Variants in UGT1A10 observed in about 807,000 individuals in gnomAD.
UGT1A10 encodes the protein UDP-glucuronosyltransferase 1A10.
In UGT1A10, 49 loss-of-function variants were observed where a neutral mutation model predicts 45.8. That is an observed-to-expected ratio of 1.07 (90% confidence interval 0.85 to 1.36). UGT1A10 has a LOEUF of 1.36. UGT1A10 is among the 40% of genes most tolerant of loss of function. The probability of loss-of-function intolerance (pLI) is 0.00; values close to 1 mark genes in which losing one functional copy is unlikely to be tolerated. For synonymous variants in UGT1A10, 284 were observed against 249.7 expected, an observed-to-expected ratio of 1.14 and a Z score of -1.29; for missense variants, 745 against 668.6, an observed-to-expected ratio of 1.11 and a Z score of -1.26.
chr2:233,698,691 TA>T (rs937682275), intron 1 of UGT1A10, among the ~76,000 whole-genome samples: 1 of 152,038 alleles, frequency 6.6e-6, no homozygotes, highest in Non-Finnish European at 1.5e-5. Flanking sequence ...AATACATTTC[TA>T]AAAAAAATGT....
chr2:233,690,297 T>C (rs760995534), intron 1 of UGT1A10, among the ~76,000 whole-genome samples: 2 of 152,238 alleles, frequency 1.3e-5, no homozygotes, highest in Non-Finnish European at 2.9e-5. Context: ...AGGTGGGTCC[T>C]GGCTCCATTA....
At chr2:233,760,902 C>T (rs1400244302) in intron 1 of UGT1A10, 7 of 1,613,974 alleles carry the variant, frequency 4.3e-6, no homozygotes, top group Non-Finnish European at 5.9e-6. Context: ...ATCACATGAC[C>T]TTCCTGCAGC....
chr2:233,722,310 C>T (rs1175597546), intron 1 of UGT1A10, among the ~76,000 whole-genome samples: 2 of 152,156 alleles, frequency 1.3e-5, no homozygotes, highest in Non-Finnish European at 2.9e-5. Context: ...CCCTTACTTA[C>T]TTGGTTTGGT....
intron 1 of UGT1A10, chr2:233,672,662 A>T: frequency 1.9e-6 from 3 of 1,613,884 alleles, no homozygotes; most frequent in Non-Finnish European, 2.5e-6. Flanking sequence ...ACGGAGTATG[A>T]TCTCTACAGC....
chr2:233,672,388 A>G lies in UGT1A10; in HGVS notation c.855+35011A>G, dbSNP rs768335644. ...TGCAGTGTTTCTCGATCCTTTTGAT[A>G]ACTGTGGCTTAATTGTTGCCAAATA... is the stretch of plus-strand genomic sequence containing the variant. On this transcript the variant is annotated intron_variant, in intron 1 of 4. Transcript: ENST00000344644. 2.0e-5 allele frequency: 32 copies of G among 1,613,986 alleles called. 1 individual carries two copies. The highest frequency in any genetic ancestry group is 1.6e-4 in the Middle Eastern group (1 of 6,078).
At chr2:233,768,037 T>C (rs1699552537) in intron 3 of UGT1A10, 101 bp downstream of exon 3, 3 of 1,611,640 alleles carry the variant, frequency 1.9e-6, no homozygotes, top group Non-Finnish European at 2.5e-6. Context: ...GAAAATATTA[T>C]GGCCAACATA....
intron 1 of UGT1A10, among the ~76,000 whole-genome samples, chr2:233,732,521 T>C (rs2078280152): frequency 6.6e-6 from 1 of 152,252 alleles, no homozygotes; most frequent in South Asian, 2.1e-4. Flanking sequence ...TCCAGCTTTC[T>C]ACATATGGCC....
At chr2:233,760,220 G>A (rs1697349973) in intron 1 of UGT1A10, 6 of 1,593,686 alleles carry the variant, frequency 3.8e-6, no homozygotes, top group African/African-American at 1.4e-5. Flanking sequence ...TTGGTGTATC[G>A]ATTGGTTTTT....
At chr2:233,699,684 A>AT (rs2075518038) in intron 1 of UGT1A10, among the ~76,000 whole-genome samples, 1 of 152,196 alleles carries the variant, frequency 6.6e-6, no homozygotes, top group Non-Finnish European at 1.5e-5. Context: ...CTGAGAGGTG[A>AT]TAAAAACAAT....
intron 1 of UGT1A10, among the ~76,000 whole-genome samples, chr2:233,674,212 C>T (rs960263958): frequency 5.9e-5 from 9 of 152,154 alleles, no homozygotes; most frequent in Non-Finnish European, 1.2e-4. Context: ...AGTGACTGTT[C>T]AGCCAACTCA....
At chr2:233,646,559 C>A (rs1221225370) in intron 1 of UGT1A10, among the ~76,000 whole-genome samples, 1 of 152,188 alleles carries the variant, frequency 6.6e-6, no homozygotes, top group East Asian at 1.9e-4. Context: ...TACCCTAAAT[C>A]ATCTTTCTAA....
In UGT1A10 at chr2:233,755,048, C is replaced by T; in HGVS notation, c.856-11986C>T. ...AGGGCCTGCCGCCTGCGCAGCCGCC[C>T]TCCGCCCTCGCCTCGCCATAGCGGT... On this transcript the variant is annotated intron_variant, in intron 1 of 4. Transcript: ENST00000344644. 4 of 1,330,776 alleles carry T rather than the reference C, an allele frequency of 3.0e-6. No homozygotes were observed. In the South Asian group the frequency reaches 3.4e-5, roughly 11 times the overall value. The allele number at this position is 1,330,776 out of a possible 1,614,324, so 82.4% of individuals were successfully genotyped here.
intron 1 of UGT1A10, among the ~76,000 whole-genome samples, chr2:233,739,832 A>C (rs1448736467): frequency 1.3e-5 from 2 of 152,016 alleles, no homozygotes; most frequent in Non-Finnish European, 2.9e-5. Flanking sequence ...GTGAAAAGAC[A>C]TGAGATTTGG....
chr2:233,725,049 TGGCGGCGCGCGCCTG>T (rs1559369977), intron 1 of UGT1A10, among the ~76,000 whole-genome samples: 1 of 147,424 alleles, frequency 6.8e-6, no homozygotes, highest in Non-Finnish European at 1.5e-5. Flanking sequence ...CAGTCAGGCG[TGGCGGCGCGCGCCTG>T]CAATCGCAGG....
chr2:233,705,870 T>G (rs2075876544), intron 1 of UGT1A10, among the ~76,000 whole-genome samples: 1 of 152,102 alleles, frequency 6.6e-6, no homozygotes, highest in Non-Finnish European at 1.5e-5. Context: ...GGCAGATCAC[T>G]TGAGGCCAGG....
chr2:233,672,904 C>G, intron 1 of UGT1A10: 1 of 1,508,064 alleles, frequency 6.6e-7, no homozygotes, highest in East Asian at 2.3e-5. Flanking sequence ...AATTTCTTTC[C>G]AGTTTAACAA....
chr2:233,663,045 A>C (rs950812502), intron 1 of UGT1A10, among the ~76,000 whole-genome samples: 3 of 152,144 alleles, frequency 2.0e-5, no homozygotes, highest in Admixed American at 2.0e-4. Flanking sequence ...CAGTGTATTC[A>C]CATTGCTGTG....
rs2073298071 is a variant in UGT1A10, at chr2:233,636,643, A to G, written c.121A>G (p.Met41Val). ...VPMDGSHWFTMQSVVEKLILR... is the reference protein window; with the variant it reads ...VPMDGSHWFTVQSVVEKLILR... ...CATGGATGGGAGTCACTGGTTCACC[A>G]TGCAGTCGGTGGTGGAGAAACTTAT... The change falls in exon 1 of 5, where the codon ATG becomes GTG. Residue 41 changes from methionine to valine, a missense_variant. Transcript: ENST00000344644. 2.5e-6 allele frequency: 4 copies of G among 1,614,010 alleles called. No homozygotes were observed. The highest frequency in any genetic ancestry group is 1.3e-5 in the African/African-American group (1 of 74,908).
chr2:233,721,185 A>G (rs759923829), intron 1 of UGT1A10, among the ~76,000 whole-genome samples: 2 of 152,206 alleles, frequency 1.3e-5, no homozygotes, highest in Non-Finnish European at 2.9e-5. Flanking sequence ...TCAAACCACA[A>G]GATATTTGTT....
Sources: allele counts gnomAD v4.1 joint callset (sites outside exome capture counted in the v4.1 genomes callset), GRCh38; gene constraint gnomAD v4.1.1; transcripts MANE v1.5; gene names NCBI Gene and HGNC (gene_info 2026-07-23, HGNC 2026-07-21).